Variants in AOAH observed in about 807,000 individuals in gnomAD.
AOAH encodes the protein acyloxyacyl hydrolase.
Under a neutral mutation model 92.2 loss-of-function variants are expected in AOAH, and 64 were observed. That is an observed-to-expected ratio of 0.69 (90% CI 0.57 to 0.86). AOAH has a LOEUF of 0.86. Ranked by LOEUF, AOAH falls within the 40% of genes least tolerant of loss-of-function variation. The pLI is 0.00. For synonymous variants in AOAH, 263 were observed against 254.5 expected (o/e 1.03, Z -0.32); for missense variants, 656 against 694.6 (o/e 0.94, Z 0.62).
At chr7:36,664,382 A>G (rs1206001029) in intron 3 of AOAH, among the ~76,000 whole-genome samples, 1 of 152,078 alleles carries the variant, frequency 6.6e-6, no homozygotes, top group Non-Finnish European at 1.5e-5. Flanking sequence ...ATCTTTTTTT[A>G]AATCATATTA....
chr7:36,711,553 T>A (rs1471900195), intron 1 of AOAH, among the ~76,000 whole-genome samples: 1 of 151,956 alleles, frequency 6.6e-6, no homozygotes, highest in Non-Finnish European at 1.5e-5. Context: ...TGGTGAAAAA[T>A]TCAGATGATC....
intron 12 of AOAH, 55 bp downstream of exon 12, chr7:36,594,284 G>A: frequency 7.1e-7 from 1 of 1,403,096 alleles, no homozygotes; most frequent in Middle Eastern, 1.8e-4. Context: ...CCCATCTCTT[G>A]TTCTTTCCTT....
intron 2 of AOAH, among the ~76,000 whole-genome samples, chr7:36,681,802 A>G (rs1317149297): frequency 6.6e-6 from 1 of 152,172 alleles, no homozygotes; most frequent in African/African-American, 2.4e-5. Context: ...CTCTGTCTCC[A>G]GAAATAAATA....
At chr7:36,613,802 C>T (rs2115922409) in intron 11 of AOAH, among the ~76,000 whole-genome samples, 1 of 152,294 alleles carries the variant, frequency 6.6e-6, no homozygotes, top group Admixed American at 6.5e-5. Flanking sequence ...TGTTGAGAAC[C>T]TGAAGTTAAC....
chr7:36,562,998 T>C (rs1787389553), intron 13 of AOAH, among the ~76,000 whole-genome samples: 1 of 151,254 alleles, frequency 6.6e-6, no homozygotes, highest in African/African-American at 2.4e-5. Context: ...AATACAAAAA[T>C]TAGCCAGGCG....
rs549983399 is a variant in AOAH, at chr7:36,555,150, A to G, written c.1022-5675T>C. Among the ~76,000 whole-genome samples the G allele has an allele frequency of 7.8e-3, 1,168 of 150,058 alleles. 12 individuals carry two copies. The highest frequency in any genetic ancestry group is 0.027 in the African/African-American group (1,106 of 40,622). On this transcript the variant is annotated intron_variant, in intron 13 of 20. Transcript: ENST00000617537. The stretch of plus-strand genomic sequence containing the variant: ...CATAGATAGCTCTTATTATTTTGAG[A>G]TACATCCCATCAATACCTAATTTAT...
intron 13 of AOAH, among the ~76,000 whole-genome samples, chr7:36,570,302 A>G (rs1191709068): frequency 1.3e-5 from 2 of 152,208 alleles, no homozygotes; most frequent in Non-Finnish European, 2.9e-5. Context: ...ACTTAGCATA[A>G]TGTCCTCAAG....
chr7:36,615,932 G>T (rs562626431), intron 11 of AOAH, among the ~76,000 whole-genome samples: 1 of 151,696 alleles, frequency 6.6e-6, no homozygotes, highest in African/African-American at 2.4e-5. Flanking sequence ...CACTCTTTGG[G>T]AATGGATGGC....
At chr7:36,671,015 C>T (rs928951014) in intron 3 of AOAH, among the ~76,000 whole-genome samples, 1 of 152,132 alleles carries the variant, frequency 6.6e-6, no homozygotes, top group African/African-American at 2.4e-5. Flanking sequence ...TCTCTGGCAC[C>T]CCCTTTTGGA....
intron 11 of AOAH, among the ~76,000 whole-genome samples, chr7:36,610,482 T>G (rs1051515451): frequency 6.8e-6 from 1 of 146,184 alleles, no homozygotes; most frequent in Admixed American, 6.9e-5. Flanking sequence ...ATTAGCTCTA[T>G]CATTGGCTTT....
chr7:36,558,536 G>A (rs903451834), intron 13 of AOAH, among the ~76,000 whole-genome samples: 1 of 152,262 alleles, frequency 6.6e-6, no homozygotes. Flanking sequence ...GTCTGCAGAG[G>A]TTACTGCTGT....
chr7:36,624,732 C>G (rs534535863), intron 6 of AOAH, among the ~76,000 whole-genome samples: 2 of 152,262 alleles, frequency 1.3e-5, no homozygotes, highest in African/African-American at 4.8e-5. Flanking sequence ...CCTGAGGGTC[C>G]CAGCACCCGT....
At position 36,628,724 on chromosome 7, in the gene AOAH, C is replaced by T. The variant is rs187116517; in HGVS notation, c.521+3312G>A. On this transcript the variant is annotated intron_variant, in intron 6 of 20. Transcript: ENST00000617537. ...TTTGAAAGCATTAGACCGAATGGGA[C>T]GGAGGGCAGGGAGAGGCACTGGGCA... 8.5e-5 allele frequency among the ~76,000 whole-genome samples: 13 copies of T among 152,268 alleles called. No homozygotes were observed. In the East Asian group the frequency reaches 1.9e-3, roughly 23 times the overall value.
At chr7:36,538,069 C>T (rs1583763415) in intron 16 of AOAH, among the ~76,000 whole-genome samples, 1 of 150,660 alleles carries the variant, frequency 6.6e-6, no homozygotes, top group Non-Finnish European at 1.5e-5. Flanking sequence ...CTCTTGTCAC[C>T]CAGGCTGGAG....
intron 15 of AOAH, among the ~76,000 whole-genome samples, chr7:36,541,491 T>C (rs1785421537): frequency 6.8e-6 from 1 of 148,080 alleles, no homozygotes; most frequent in Non-Finnish European, 1.5e-5. Context: ...TTATATTCAT[T>C]TGGTTTGGAA....
At chr7:36,610,462 ACTT>A (rs1237402392) in intron 11 of AOAH, among the ~76,000 whole-genome samples, 1 of 151,178 alleles carries the variant, frequency 6.6e-6, no homozygotes, top group Non-Finnish European at 1.5e-5. Flanking sequence ...GTTATTTTTT[ACTT>A]CTTAAAATTA....
At chr7:36,674,803 C>T (rs183980617) in intron 2 of AOAH, among the ~76,000 whole-genome samples, 39 of 152,266 alleles carry the variant, frequency 2.6e-4, no homozygotes, top group African/African-American at 8.2e-4. Flanking sequence ...TAGGGGGGCC[C>T]GGGCCTTGCT....
intron 1 of AOAH, among the ~76,000 whole-genome samples, chr7:36,718,776 G>A (rs1799425653): frequency 6.6e-6 from 1 of 152,102 alleles, no homozygotes; most frequent in Non-Finnish European, 1.5e-5. Flanking sequence ...GATTTCCAAG[G>A]GCTATAGAGA....
chr7:36,563,758 T>C (rs1312331690), intron 13 of AOAH, among the ~76,000 whole-genome samples: 2 of 152,344 alleles, frequency 1.3e-5, no homozygotes, highest in Non-Finnish European at 2.9e-5. Context: ...TTAGAGGTAG[T>C]TTCAGGAGAA....
Sources: gnomAD v4.1 joint callset for allele counts (sites outside exome capture counted in the v4.1 genomes callset) on GRCh38, gnomAD v4.1.1 for gene constraint, MANE v1.5 for transcripts, NCBI Gene and HGNC (gene_info 2026-07-23, HGNC 2026-07-21) for gene names.